Variants in TLE4 observed in about 807,000 individuals in gnomAD.
The protein encoded by TLE4 is transducin-like enhancer protein 4.
In TLE4, 8 loss-of-function variants were observed where a neutral mutation model predicts 92.8. The observed-to-expected ratio is 0.09, with a 90% CI of 0.05 to 0.16. The LOEUF is 0.16. TLE4 is among the 10% of genes least tolerant of loss of function. The pLI, the probability that TLE4 is intolerant of heterozygous loss-of-function variation, is 1.00. For synonymous variants in TLE4, 371 were observed against 374.1 expected, an observed-to-expected ratio of 0.99 and a Z score of 0.10; for missense variants, 675 against 997.6, an observed-to-expected ratio of 0.68 and a Z score of 4.36.
intron 8 of TLE4, among the ~76,000 whole-genome samples, chr9:79,685,908 G>A (rs751007665): frequency 1.3e-5 from 2 of 152,218 alleles, no homozygotes; most frequent in Non-Finnish European, 2.9e-5. Context: ...CCCAAGTACA[G>A]ATGGCCCTCT....
chr9:79,712,522 C>G (rs2136069233), intron 14 of TLE4, among the ~76,000 whole-genome samples: 1 of 152,244 alleles, frequency 6.6e-6, no homozygotes, highest in South Asian at 2.1e-4. Flanking sequence ...ACCATACATA[C>G]CCACAATGTA....
At position 79,612,641 on chromosome 9, in the gene TLE4, C is replaced by G; in HGVS notation, c.253-15C>G. ...CTGTTCTCTTTATTGCTTTCCTTTC[C>G]CTTATTTTTTGCAGGCAGAGATTGT... On this transcript the variant is annotated splice_polypyrimidine_tract_variant and intron_variant, in intron 4 of 19. Transcript: ENST00000376552. The G allele has an allele frequency of 6.2e-7, 1 of 1,611,470 alleles. No individual in the cohort carries two copies. The highest frequency in any genetic ancestry group is 8.5e-7 in the Non-Finnish European group (1 of 1,178,038).
chr9:79,725,012 T>G (rs754163839), intron 19 of TLE4, 25 bp from the exon 20 acceptor site: 1 of 1,576,320 alleles, frequency 6.3e-7, no homozygotes, highest in Non-Finnish European at 8.7e-7. Context: ...TATTTAACAT[T>G]TTTGATTATA....
intron 8 of TLE4, among the ~76,000 whole-genome samples, chr9:79,663,840 A>G (rs1279734943): frequency 6.6e-6 from 1 of 152,166 alleles, no homozygotes; most frequent in Non-Finnish European, 1.5e-5. Context: ...GGTGCTCTTT[A>G]TAATACTCAG....
intron 4 of TLE4, among the ~76,000 whole-genome samples, chr9:79,602,430 G>C (rs1193720902): frequency 3.9e-5 from 6 of 152,122 alleles, no homozygotes; most frequent in Admixed American, 1.3e-4. Flanking sequence ...TAATGCAGCT[G>C]GTGACTTTAA....
At chr9:79,581,826 A>G (rs1278622998) in intron 4 of TLE4, among the ~76,000 whole-genome samples, 1 of 152,014 alleles carries the variant, frequency 6.6e-6, no homozygotes, top group African/African-American at 2.4e-5. Flanking sequence ...CATACGCAGA[A>G]CCTCTTGAGT....
In TLE4 at chr9:79,684,219, C is replaced by T. The variant is rs111299990; in HGVS notation, c.610-20564C>T. Reference sequence around the variant, plus strand: ...ATCTGATTGGTCTCTGTGTTGGCTGCGGTGGAAGCTTTTCTCTCTAGGCTG... The same window carrying T: ...ATCTGATTGGTCTCTGTGTTGGCTGTGGTGGAAGCTTTTCTCTCTAGGCTG... On this transcript the variant is annotated intron_variant, in intron 8 of 19. Transcript: ENST00000376552. Among the ~76,000 whole-genome samples the T allele has an allele frequency of 6.6e-5, 10 of 152,180 alleles. No individual in the cohort carries two copies. In the East Asian group the frequency reaches 9.7e-4, roughly 15 times the overall value.
intron 5 of TLE4, among the ~76,000 whole-genome samples, chr9:79,617,980 C>T (rs903900034): frequency 6.6e-6 from 1 of 152,196 alleles, no homozygotes; most frequent in African/African-American, 2.4e-5. Context: ...TTGTGTCTTG[C>T]CCCAGCGTCA....
intron 8 of TLE4, chr9:79,671,068 A>G (rs1588064971): frequency 1.6e-5 from 4 of 252,746 alleles, no homozygotes; most frequent in South Asian, 1.2e-4. Flanking sequence ...CTAAAAAAAA[A>G]TCTACAAAAT....
At chr9:79,635,143 G>A (rs1216277406) in intron 6 of TLE4, among the ~76,000 whole-genome samples, 1 of 152,126 alleles carries the variant, frequency 6.6e-6, no homozygotes, top group Non-Finnish European at 1.5e-5. Flanking sequence ...TGGAATTACA[G>A]GTTTTGGGGA....
At chr9:79,619,494 C>A (rs2050431985) in intron 5 of TLE4, among the ~76,000 whole-genome samples, 1 of 152,200 alleles carries the variant, frequency 6.6e-6, no homozygotes, top group African/African-American at 2.4e-5. Context: ...TATCGCCTTA[C>A]AGTCGTGCCA....
In TLE4 at chr9:79,709,692, G is replaced by C. The variant is rs1299527427; in HGVS notation, c.1333G>C (p.Gly445Arg). The C allele has an allele frequency of 6.2e-7, 1 of 1,613,920 alleles. No individual in the cohort carries two copies. The highest frequency in any genetic ancestry group is 8.5e-7 in the Non-Finnish European group (1 of 1,179,976). ...TCCAAACCTGACAGGCATTCCAGGA[G>C]GAAAACCGTGAGTACCTTTTTGCCT... ...IPPNLTGIPGGKPAYSFHVSA... is the reference protein window; with the variant it reads ...IPPNLTGIPGRKPAYSFHVSA... Residue 445 changes from glycine (G) to arginine (R), a missense_variant, in exon 14 of 20, where the codon GGA becomes CGA. This residue lies in a region of TLE4 where 119 missense variants were observed against 175.9 expected (regional missense o/e 0.68). Transcript: ENST00000376552.
chr9:79,691,970 ATTTCTAG>A (rs1482304682), intron 8 of TLE4, among the ~76,000 whole-genome samples: 1 of 152,054 alleles, frequency 6.6e-6, no homozygotes, highest in African/African-American at 2.4e-5. Context: ...TCTTAATTGT[ATTTCTAG>A]TGCCTTAGGG....
chr9:79,713,187 A>G (rs2073753621), intron 14 of TLE4, among the ~76,000 whole-genome samples: 1 of 152,248 alleles, frequency 6.6e-6, no homozygotes, highest in African/African-American at 2.4e-5. Context: ...AGATGAGCAC[A>G]GCATAACAGA....
Position 79,572,730 on chromosome 9 carries a change from G to C in TLE4, c.-61G>C. On this transcript the variant is annotated 5_prime_UTR_variant, in exon 1 of 20. Transcript: ENST00000376552. ...CGCTGCCGCGGCCGCCTCCTCTTCG[G>C]GGTCATTAAAGCCAATGAGCCGCGC... The C allele has an allele frequency of 6.4e-7, 1 of 1,565,876 alleles. No individual in the cohort carries two copies. The highest frequency in any genetic ancestry group is 8.7e-7 in the Non-Finnish European group (1 of 1,152,082).
chr9:79,722,360 T>G (rs2075786746), intron 17 of TLE4, 91 bp from the exon 18 acceptor site: 1 of 1,392,804 alleles, frequency 7.2e-7, no homozygotes, highest in African/African-American at 1.5e-5. Context: ...TCTTCATAAT[T>G]TAAGTAGTAT....
chr9:79,599,107 G>A (rs1047161424), intron 4 of TLE4, among the ~76,000 whole-genome samples: 3 of 152,284 alleles, frequency 2.0e-5, no homozygotes, highest in Admixed American at 1.3e-4. Flanking sequence ...AGAGGAGGAT[G>A]GAGGACAGAA....
chr9:79,574,873 T>G lies in TLE4; in HGVS notation c.144T>G (p.Ser48Arg). 3.1e-6 allele frequency: 5 copies of G among 1,613,000 alleles called. No homozygotes were observed. Among genetic ancestry groups the G allele is most frequent in the Non-Finnish European group, 4.2e-6 (5 of 1,179,274 alleles). ...TTAGAGTATCTTATGTCTTGAACAGTCTGAAGCTGGAATGTGAGAAACTCG... is the reference window on the plus strand; with the variant it reads ...TTAGAGTATCTTATGTCTTGAACAGGCTGAAGCTGGAATGTGAGAAACTCG... ...EFQFLQAQYH[S>R]LKLECEKLAS... The change falls in exon 3 of 20, where the codon AGT (serine) becomes AGG (arginine). Residue 48 changes from serine (S) to arginine (R), a missense_variant and splice_region_variant. Ser to Arg is a moderately radical substitution (Grantham distance 110). This residue lies in a region of TLE4 where 68 missense variants were observed against 141.2 expected (regional missense o/e 0.48). Transcript: ENST00000376552.
chr9:79,696,857 G>T (rs2068393607), intron 8 of TLE4, among the ~76,000 whole-genome samples: 1 of 152,182 alleles, frequency 6.6e-6, no homozygotes, highest in African/African-American at 2.4e-5. Context: ...AGAGCACAGT[G>T]CAGGGATAGG....
Sources: allele counts gnomAD v4.1 joint callset (sites outside exome capture counted in the v4.1 genomes callset), GRCh38; gene constraint gnomAD v4.1.1; regional missense constraint gnomAD v4.1.1; transcripts MANE v1.5; gene names NCBI Gene and HGNC (gene_info 2026-07-23, HGNC 2026-07-21).